Variants in FIRRM observed in about 807,000 individuals in gnomAD.
The protein encoded by FIRRM is FIGNL1 interacting regulator of recombination and mitosis, also known as FIGNL1-interacting regulator of recombination and mitosis.
chr1:169,822,915 A>G, the FIRRM span, among the ~76,000 whole-genome samples: 4 of 152,230 alleles, frequency 2.6e-5, no homozygotes, highest in African/African-American at 4.8e-5. Context: ...AAATAGAACA[A>G]TGAGTTTTTT....
At chr1:169,804,397 G>A in the FIRRM span, 2 of 576,498 alleles carry the variant, frequency 3.5e-6, no homozygotes, top group Admixed American at 8.3e-5. Context: ...TTTGGAATTT[G>A]TAAAATTTAT....
At chr1:169,793,270 A>C in the FIRRM span, 1 of 1,614,130 alleles carries the variant, frequency 6.2e-7, no homozygotes, top group Non-Finnish European at 8.5e-7. Flanking sequence ...TGTTTTCTCC[A>C]GGGAAGTTCT....
the FIRRM span, among the ~76,000 whole-genome samples, chr1:169,840,369 T>C: frequency 2.0e-5 from 3 of 152,242 alleles, no homozygotes; most frequent in Non-Finnish European, 4.4e-5. Context: ...GGAATGTTTT[T>C]CCATTTGTTT....
chr1:169,803,034 A>T, the FIRRM span: 1 of 772,838 alleles, frequency 1.3e-6, no homozygotes, highest in Non-Finnish European at 2.1e-6. Flanking sequence ...TAGTTCTGAT[A>T]GACTAAAGTT....
chr1:169,852,003 G>A, the FIRRM span: 49 of 1,606,552 alleles, frequency 3.1e-5, no homozygotes, highest in Non-Finnish European at 3.8e-5. Flanking sequence ...ACTTACTGAC[G>A]AAACAAACCA....
chr1:169,834,549 A>C, the FIRRM span, among the ~76,000 whole-genome samples: 10,082 of 152,222 alleles, frequency 0.066, 428 homozygotes, highest in Non-Finnish European at 0.099. Context: ...TGAGACTGTA[A>C]CAGGCCAGGC....
the FIRRM span, among the ~76,000 whole-genome samples, chr1:169,787,218 G>A: frequency 1.3e-5 from 2 of 152,140 alleles, no homozygotes; most frequent in African/African-American, 4.8e-5. Flanking sequence ...GGCTCACACA[G>A]GAATACTTGC....
the FIRRM span, among the ~76,000 whole-genome samples, chr1:169,786,146 T>G: frequency 6.6e-6 from 1 of 152,172 alleles, no homozygotes; most frequent in Non-Finnish European, 1.5e-5. Flanking sequence ...TTTCCTACTT[T>G]GGGAAAATGA....
chr1:169,843,913 A>C, the FIRRM span: 1 of 610,648 alleles, frequency 1.6e-6, no homozygotes, highest in Non-Finnish European at 2.9e-6. Flanking sequence ...AGGATATCTC[A>C]TTTCTCTTTC....
chr1:169,830,126 G>A, the FIRRM span: 6 of 681,620 alleles, frequency 8.8e-6, no homozygotes, highest in South Asian at 2.1e-5. Flanking sequence ...ATACTAGAAA[G>A]TAGAACTCCC....
At chr1:169,823,141 C>A in the FIRRM span, among the ~76,000 whole-genome samples, 1 of 151,804 alleles carries the variant, frequency 6.6e-6, no homozygotes, top group Non-Finnish European at 1.5e-5. Context: ...ATCCCAGCTG[C>A]CTGGGAGGCT....
chr1:169,807,228 T>A, the FIRRM span, among the ~76,000 whole-genome samples: 1 of 152,200 alleles, frequency 6.6e-6, no homozygotes, highest in Non-Finnish European at 1.5e-5. Flanking sequence ...CTGCCTAGGA[T>A]GCTTCTCTCT....
At chr1:169,821,020 T>G in the FIRRM span, among the ~76,000 whole-genome samples, 40,647 of 152,116 alleles carry the variant, frequency 0.27, 5,951 homozygotes, top group Middle Eastern at 0.36. Flanking sequence ...AGAAATTGAA[T>G]TGCTACTCAA....
chr1:169,832,250 A>G, the FIRRM span, among the ~76,000 whole-genome samples: 1 of 152,196 alleles, frequency 6.6e-6, no homozygotes, highest in Non-Finnish European at 1.5e-5. Context: ...CTCATTCTAA[A>G]TTTAGATTCA....
At chr1:169,827,063 A>G in the FIRRM span, 1 of 1,612,408 alleles carries the variant, frequency 6.2e-7, no homozygotes, top group Non-Finnish European at 8.5e-7. Flanking sequence ...AGTTTCCTCC[A>G]AGCCTTTATG....
At chr1:169,795,774 CTCTTTT>C in the FIRRM span, 1 of 985,248 alleles carries the variant, frequency 1.0e-6, no homozygotes, top group Non-Finnish European at 1.2e-6. Flanking sequence ...CCTCTCAGAC[CTCTTTT>C]TCTTCTTTCT....
chr1:169,803,278 A>G, the FIRRM span: 2 of 1,613,904 alleles, frequency 1.2e-6, no homozygotes, highest in East Asian at 2.2e-5. Flanking sequence ...TCAGTCCTTC[A>G]TATAATTAAA....
At chr1:169,851,891 CT>C in the FIRRM span, 1 of 1,613,998 alleles carries the variant, frequency 6.2e-7, no homozygotes, top group Non-Finnish European at 8.5e-7. Flanking sequence ...TCTGGGAACC[CT>C]TTGCTAATGT....
chr1:169,815,574 G>A, the FIRRM span, among the ~76,000 whole-genome samples: 4 of 152,258 alleles, frequency 2.6e-5, no homozygotes, highest in South Asian at 6.2e-4. Flanking sequence ...TATAATTAGT[G>A]TATAGTGAGC....
Sources: gnomAD v4.1 joint callset for allele counts (sites outside exome capture counted in the v4.1 genomes callset) on GRCh38, gnomAD v4.1.1 for gene constraint, MANE v1.5 for transcripts, NCBI Gene and HGNC (gene_info 2026-07-23, HGNC 2026-07-21) for gene names.